Variants in THEMIS observed in about 807,000 individuals in gnomAD.
THEMIS encodes protein THEMIS.
In THEMIS, 37 loss-of-function variants were observed where a neutral mutation model predicts 52.6. That is an observed-to-expected ratio of 0.70 (90% CI 0.54 to 0.93). The LOEUF is 0.93. THEMIS is among the 40% of genes least tolerant of loss of function. The probability of loss-of-function intolerance (pLI) is 0.00; values close to 1 mark genes in which losing one functional copy is unlikely to be tolerated. For synonymous variants in THEMIS, 292 were observed against 272.7 expected, an observed-to-expected ratio of 1.07 and a Z score of -0.70; for missense variants, 808 against 763.1, an observed-to-expected ratio of 1.06 and a Z score of -0.69.
chr6:127,839,065 T>C (rs1778961069), intron 2 of THEMIS, among the ~76,000 whole-genome samples: 1 of 152,100 alleles, frequency 6.6e-6, no homozygotes, highest in Non-Finnish European at 1.5e-5. Context: ...TGTTCACTTG[T>C]TTATTCTCCC....
intron 4 of THEMIS, among the ~76,000 whole-genome samples, chr6:127,761,927 G>A (rs980985901): frequency 6.6e-6 from 1 of 151,974 alleles, no homozygotes; most frequent in South Asian, 2.1e-4. Context: ...AACTGAAATC[G>A]GTATCTCAAA....
At chr6:127,788,634 G>A (rs1411812990) in intron 4 of THEMIS, among the ~76,000 whole-genome samples, 4 of 151,942 alleles carry the variant, frequency 2.6e-5, no homozygotes, top group Non-Finnish European at 5.9e-5. Flanking sequence ...TAACATTTTA[G>A]CCCCATATAT....
At chr6:127,764,884 G>T (rs1156537030) in intron 4 of THEMIS, among the ~76,000 whole-genome samples, 1 of 151,864 alleles carries the variant, frequency 6.6e-6, no homozygotes, top group African/African-American at 2.4e-5. Flanking sequence ...AATTGCAGTA[G>T]GAGTTTATGC....
At chr6:127,718,037 G>A (rs1408095148) in intron 5 of THEMIS, among the ~76,000 whole-genome samples, 1 of 151,744 alleles carries the variant, frequency 6.6e-6, no homozygotes, top group East Asian at 1.9e-4. Flanking sequence ...TATGGCTCCA[G>A]TGAGTCTTTT....
intron 4 of THEMIS, among the ~76,000 whole-genome samples, chr6:127,800,491 C>A (rs1260371578): frequency 6.6e-6 from 1 of 152,172 alleles, no homozygotes; most frequent in South Asian, 2.1e-4. Context: ...AAATTTCAAA[C>A]CAAACTAAAC....
chr6:127,818,174 A>C (rs368266966), intron 3 of THEMIS, among the ~76,000 whole-genome samples: 5 of 152,242 alleles, frequency 3.3e-5, no homozygotes, highest in Admixed American at 2.0e-4. Context: ...GGAACACCCA[A>C]CTCAAGCCTC....
intron 4 of THEMIS, among the ~76,000 whole-genome samples, chr6:127,779,624 T>A: frequency 6.6e-6 from 1 of 152,186 alleles, no homozygotes; most frequent in East Asian, 1.9e-4. Flanking sequence ...ATTTCTAATG[T>A]GGTGTAGGAA....
chr6:127,730,277 T>TAAAGAAAAGAAA (rs1398142893), intron 4 of THEMIS, among the ~76,000 whole-genome samples: 2 of 54,672 alleles, frequency 3.7e-5, no homozygotes, highest in Non-Finnish European at 1.0e-4. Context: ...CTATAGGAAA[T>TAAAGAAAAGAAA]AAAGAAAAGA....
intron 4 of THEMIS, among the ~76,000 whole-genome samples, chr6:127,745,421 A>C (rs1307746421): frequency 6.6e-6 from 1 of 151,928 alleles, no homozygotes; most frequent in Non-Finnish European, 1.5e-5. Flanking sequence ...AAGTTGACAT[A>C]TGATGTTTAT....
intron 4 of THEMIS, among the ~76,000 whole-genome samples, chr6:127,767,315 C>T (rs1026752780): frequency 9.2e-5 from 14 of 152,172 alleles, no homozygotes; most frequent in African/African-American, 3.4e-4. Flanking sequence ...TGGTCTCAAA[C>T]TCCTGACCTC....
chr6:127,725,100 A>C (rs1774493710), intron 4 of THEMIS, among the ~76,000 whole-genome samples: 1 of 152,032 alleles, frequency 6.6e-6, no homozygotes, highest in South Asian at 2.1e-4. Flanking sequence ...TTTACTTTTT[A>C]CTTTGTAAAA....
At chr6:127,700,996 C>T in the THEMIS span, among the ~76,000 whole-genome samples, 1 of 152,030 alleles carries the variant, frequency 6.6e-6, no homozygotes, top group Non-Finnish European at 1.5e-5. Flanking sequence ...CAAACTTGTG[C>T]TTACCGTTCT....
chr6:127,770,011 C>T (rs1411950744), intron 4 of THEMIS, among the ~76,000 whole-genome samples: 1 of 152,166 alleles, frequency 6.6e-6, no homozygotes, highest in Non-Finnish European at 1.5e-5. Context: ...TTTTCTTAAT[C>T]CGGTCTATCA....
intron 2 of THEMIS, among the ~76,000 whole-genome samples, chr6:127,841,714 G>T (rs1333562502): frequency 1.2e-4 from 1 of 8,528 alleles, no homozygotes; most frequent in East Asian, 3.0e-3. Context: ...GAACTAAAAA[G>T]CAAGAGAAAA....
Position 127,731,600 on chromosome 6 carries a change from G to C in THEMIS, c.1759-11777C>G, listed in dbSNP as rs1405121547. On this transcript the variant is annotated intron_variant, in intron 4 of 5. Coordinates refer to ENST00000368248, the MANE Select transcript of THEMIS (RefSeq NM_001010923.3). ...GGCATTTTCAGAAAAAAAAAAAAAG[G>C]TTCTAATTTGTCACCGTATTGTTCA... 2.0e-5 allele frequency among the ~76,000 whole-genome samples: 3 copies of C among 148,436 alleles called. No homozygotes were observed. In the South Asian group the frequency reaches 6.3e-4, roughly 31 times the overall value.
chr6:127,757,583 C>T (rs555668131), intron 4 of THEMIS, among the ~76,000 whole-genome samples: 6 of 152,042 alleles, frequency 3.9e-5, no homozygotes, highest in East Asian at 1.9e-4. Context: ...CCCGGGTTCA[C>T]GCCATTCTCC....
At position 127,746,739 on chromosome 6, in the gene THEMIS, A is replaced by G. The variant is rs1432992486; in HGVS notation, c.1759-26916T>C. 1.1e-4 allele frequency among the ~76,000 whole-genome samples: 10 copies of G among 90,964 alleles called. No homozygotes were observed. In the East Asian group the frequency reaches 3.0e-3, roughly 27 times the overall value. The allele number at this position is 90,964 out of a possible 152,430, so 59.7% of individuals were successfully genotyped here. A position where few individuals can be genotyped will look rare whatever the true frequency, so the allele number is the denominator to read the frequency against. On this transcript the variant is annotated intron_variant, in intron 4 of 5. Coordinates refer to ENST00000368248, the MANE Select transcript of THEMIS (RefSeq NM_001010923.3). Reference sequence around the variant, plus strand: ...TAATTATATATTATTATATAATTATATTATATATAATTATATATTATTATA... The same window carrying G: ...TAATTATATATTATTATATAATTATGTTATATATAATTATATATTATTATA...
chr6:127,854,913 C>T, intron 2 of THEMIS, 117 bp downstream of exon 2: 5 of 823,060 alleles, frequency 6.1e-6, no homozygotes, highest in South Asian at 4.3e-5. Flanking sequence ...CCGGATTTTC[C>T]CCCCCATTAT....
At chr6:127,844,218 G>A (rs1052702473) in intron 2 of THEMIS, among the ~76,000 whole-genome samples, 6 of 151,892 alleles carry the variant, frequency 4.0e-5, no homozygotes, top group African/African-American at 1.2e-4. Flanking sequence ...TGGTGATTCT[G>A]TTTTCTCATC....
Sources: allele counts gnomAD v4.1 joint callset (sites outside exome capture counted in the v4.1 genomes callset), GRCh38; gene constraint gnomAD v4.1.1; transcripts MANE v1.5; gene names NCBI Gene and HGNC (gene_info 2026-07-23, HGNC 2026-07-21).